Variants in KPNA7 observed in about 807,000 individuals in gnomAD.
KPNA7 encodes importin subunit alpha-8.
A neutral mutation model predicts 53.7 loss-of-function variants in KPNA7; 54 were observed. The ratio of observed to expected loss-of-function variants is 1.01; its 90% CI spans 0.81 to 1.26. KPNA7 has a LOEUF of 1.26. Among genes scored for constraint, KPNA7 ranks in the 50% most tolerant of loss-of-function variants. The probability of loss-of-function intolerance (pLI) is 0.00; values close to 1 mark genes in which losing one functional copy is unlikely to be tolerated. For synonymous variants in KPNA7, 276 were observed against 259.3 expected, an observed-to-expected ratio of 1.06 and a Z score of -0.62; for missense variants, 640 against 644.5, an observed-to-expected ratio of 0.99 and a Z score of 0.07.
At chr7:99,205,120 T>C (rs1393974807) in intron 2 of KPNA7, among the ~76,000 whole-genome samples, 7 of 152,004 alleles carry the variant, frequency 4.6e-5, no homozygotes, top group Admixed American at 1.3e-4. Flanking sequence ...AATAGGTTAC[T>C]GTAAGAGTGA....
upstream of KPNA7, among the ~76,000 whole-genome samples, chr7:99,208,481 C>T (rs553891323): frequency 2.7e-4 from 41 of 152,316 alleles, no homozygotes; most frequent in Non-Finnish European, 5.1e-4. Flanking sequence ...TGGTCTCTAT[C>T]TCCTGACCTC....
chr7:99,202,901 G>C (rs568455119), intron 3 of KPNA7, among the ~76,000 whole-genome samples: 1 of 152,054 alleles, frequency 6.6e-6, no homozygotes, highest in Admixed American at 6.6e-5. Flanking sequence ...CTAGAATCTA[G>C]ATTCCACAGA....
rs1368480254 is a variant in KPNA7, at chr7:99,193,100, A to G, written c.555T>C (p.Gly185=). Reference sequence around the variant, plus strand: ...CGTTATCTCTGAACTCTGGGCCATCACCTACAAATAGAGCAGAATGTGACA... The same window carrying G: ...CGTTATCTCTGAACTCTGGGCCATCGCCTACAAATAGAGCAGAATGTGACA... The part of the protein sequence containing the change: ...QAVWALGNIA[G]DGPEFRDNVI... Residue 185 remains glycine (G), a splice_region_variant and synonymous_variant, in exon 6 of 11, where the codon GGT becomes GGC. Transcript: ENST00000327442. 6.8e-7 allele frequency: 1 copy of G among 1,474,878 alleles called. No homozygotes were observed. Among genetic ancestry groups the G allele is most frequent in the Non-Finnish European group, 9.0e-7 (1 of 1,113,578 alleles). 91.4% of individuals were successfully genotyped at this position (1,474,878 alleles called of 1,614,324 possible). A position where few individuals can be genotyped will look rare whatever the true frequency, so the allele number is the denominator to read the frequency against.
At chr7:99,169,254 AGGACTCT>A (rs1798728741), downstream of KPNA7, among the ~76,000 whole-genome samples, 3 of 152,178 alleles carry the variant, frequency 2.0e-5, no homozygotes, top group South Asian at 6.2e-4. Flanking sequence ...GGTAGGTGTA[AGGACTCT>A]GGACTTGGGG....
chr7:99,163,780 G>A, the KPNA7 span, among the ~76,000 whole-genome samples: 359 of 152,132 alleles, frequency 2.4e-3, 1 homozygote, highest in Middle Eastern at 3.4e-3. Context: ...TTGACAGAAT[G>A]GGACTTAATC....
chr7:99,208,855 TA>T (rs1790953420), upstream of KPNA7, among the ~76,000 whole-genome samples: 1 of 152,150 alleles, frequency 6.6e-6, no homozygotes, highest in Non-Finnish European at 1.5e-5. Context: ...GGTTGTCATA[TA>T]TAGAAGCCTT....
intron 3 of KPNA7, among the ~76,000 whole-genome samples, chr7:99,200,828 G>A (rs1790490086): frequency 1.3e-5 from 2 of 151,986 alleles, no homozygotes; most frequent in South Asian, 4.2e-4. Context: ...TATAAAATTA[G>A]CAGGTGATGC....
At chr7:99,188,818 C>T (rs1198607217) in intron 6 of KPNA7, among the ~76,000 whole-genome samples, 9 of 152,100 alleles carry the variant, frequency 5.9e-5, no homozygotes, top group Admixed American at 5.9e-4. Flanking sequence ...GCTGGGATTA[C>T]AGGTGCCCGC....
upstream of KPNA7, among the ~76,000 whole-genome samples, chr7:99,212,719 A>C (rs1791108185): frequency 6.6e-6 from 1 of 151,996 alleles, no homozygotes; most frequent in African/African-American, 2.4e-5. Context: ...GTGAGACCCT[A>C]TCTCTACCAA....
At chr7:99,206,920 T>A (rs932984990) in intron 2 of KPNA7, among the ~76,000 whole-genome samples, 1 of 152,180 alleles carries the variant, frequency 6.6e-6, no homozygotes, top group South Asian at 2.1e-4. Context: ...ATGATGAAAA[T>A]AGCAAACATA....
At chr7:99,217,080 A>C (rs1791236808) in intron 1 of KPNA7, among the ~76,000 whole-genome samples, 1 of 152,204 alleles carries the variant, frequency 6.6e-6, no homozygotes, top group Admixed American at 6.5e-5. Context: ...GGCTTCTACA[A>C]AATAGCATTT....
At chr7:99,196,285 G>A in intron 3 of KPNA7, 119 bp from the exon 4 acceptor site, 1 of 681,644 alleles carries the variant, frequency 1.5e-6, no homozygotes, top group Non-Finnish European at 2.6e-6. Flanking sequence ...GTCCCATCTT[G>A]CATGCTGTTC....
At chr7:99,171,205 G>A (rs889750913), downstream of KPNA7, among the ~76,000 whole-genome samples, 2 of 152,186 alleles carry the variant, frequency 1.3e-5, no homozygotes, top group African/African-American at 4.8e-5. Context: ...GGGTAACAGA[G>A]CAAGACTCTG....
chr7:99,172,876 A>C (rs1312589566), downstream of KPNA7, among the ~76,000 whole-genome samples: 1 of 152,040 alleles, frequency 6.6e-6, no homozygotes, highest in Non-Finnish European at 1.5e-5. Context: ...CAGCCTGGTC[A>C]ACATGGTGAA....
the KPNA7 span, among the ~76,000 whole-genome samples, chr7:99,158,340 CTA>C: frequency 6.6e-6 from 1 of 152,018 alleles, no homozygotes; most frequent in Non-Finnish European, 1.5e-5. Context: ...TTTCTTTCCT[CTA>C]TGTTTTTTTT....
chr7:99,150,759 A>T, the KPNA7 span, among the ~76,000 whole-genome samples: 11 of 152,314 alleles, frequency 7.2e-5, no homozygotes, highest in East Asian at 1.9e-3. Context: ...TTGAGTGCCC[A>T]GCTCTTGCAA....
In KPNA7 at chr7:99,173,585, C is replaced by A; in HGVS notation, c.*123G>T. ...GATAGAGAAACGTGAAAGTGTTGAACATTTTATTAATGTCAAGTTTTAAAA... is the reference window on the plus strand; with the variant it reads ...GATAGAGAAACGTGAAAGTGTTGAAAATTTTATTAATGTCAAGTTTTAAAA... On this transcript the variant is annotated 3_prime_UTR_variant, in exon 11 of 11. Coordinates refer to ENST00000327442, the MANE Select transcript of KPNA7 (RefSeq NM_001145715.3). 1.7e-6 allele frequency: 1 copy of A among 604,238 alleles called. No homozygotes were observed. The highest frequency in any genetic ancestry group is 2.9e-6 in the Non-Finnish European group (1 of 344,066). 37.4% of individuals were successfully genotyped at this position (604,238 alleles called of 1,614,324 possible).
intron 8 of KPNA7, among the ~76,000 whole-genome samples, chr7:99,184,073 C>A (rs945309245): frequency 3.3e-5 from 5 of 151,420 alleles, no homozygotes; most frequent in African/African-American, 1.2e-4. Flanking sequence ...GGTATCGAAC[C>A]CCTGATCTCA....
At chr7:99,193,261 C>T (rs1168342528) in intron 5 of KPNA7, among the ~76,000 whole-genome samples, 160 bp from the exon 6 acceptor site, 3 of 152,230 alleles carry the variant, frequency 2.0e-5, no homozygotes, top group Non-Finnish European at 1.5e-5. Context: ...GGAAGTCTGG[C>T]ATGGCTGGTG....
Sources: gnomAD v4.1 joint callset for allele counts (sites outside exome capture counted in the v4.1 genomes callset) on GRCh38, gnomAD v4.1.1 for gene constraint, MANE v1.5 for transcripts, NCBI Gene and HGNC (gene_info 2026-07-23, HGNC 2026-07-21) for gene names.